Variants in XPC observed in about 807,000 individuals in gnomAD.
The protein encoded by XPC is XPC complex subunit, DNA damage recognition and repair factor.
XPC carries 76 observed loss-of-function variants against 95.8 expected under a neutral mutation model. The ratio of observed to expected loss-of-function variants is 0.79; its 90% CI spans 0.66 to 0.96. XPC has a LOEUF of 0.96. XPC is among the 40% of genes least tolerant of loss of function. The pLI, the probability that XPC is intolerant of heterozygous loss-of-function variation, is 0.00. For missense variants in XPC, 1,146 were observed against 1,179.8 expected (o/e 0.97, Z 0.42); for synonymous variants, 442 against 442.1 (o/e 1.00, Z 0.00).
At position 14,178,472 on chromosome 3, in the gene XPC, C is replaced by A; in HGVS notation, c.97G>T (p.Glu33Ter). ...CGCTGGGCCTCGCTCTCACCCTCCTCCTCCTCCTCACGCCGGGCCTTGCTC... is the reference window on the plus strand; with the variant it reads ...CGCTGGGCCTCGCTCTCACCCTCCTACTCCTCCTCACGCCGGGCCTTGCTC... ...AKSKARREEE[E>*]EDAFEDEKPP... is the part of the protein sequence containing the mutation. The change falls in exon 1 of 16, where the codon GAG becomes TAG. Residue 33 changes from glutamate (E) to a stop codon, truncating the protein, a stop_gained. Transcript: ENST00000285021. LOFTEE classifies it high-confidence loss of function. The A allele has an allele frequency of 6.2e-7, 1 of 1,609,780 alleles. No individual in the cohort carries two copies.
intron 11 of XPC, among the ~76,000 whole-genome samples, chr3:14,150,883 G>C (rs1026821401): frequency 6.6e-6 from 1 of 152,242 alleles, no homozygotes; most frequent in Non-Finnish European, 1.5e-5. Flanking sequence ...CTGGAATGCA[G>C]AGGCAGTGAG....
rs1386854322 is a variant in XPC, at chr3:14,148,002, C to T, written c.2421-1G>A. On this transcript the variant is annotated splice_acceptor_variant, in intron 13 of 15. Transcript: ENST00000285021. LOFTEE classifies it high-confidence loss of function. ...CTCGCAGACGATGTATCCATCAGTC[C>T]TGTGGGGACACAACGCGATGTCAAC... The T allele has an allele frequency of 6.3e-7, 1 of 1,576,870 alleles. No individual in the cohort carries two copies. The highest frequency in any genetic ancestry group is 8.6e-7 in the Non-Finnish European group (1 of 1,158,910).
chr3:14,153,660 C>T (rs1006120017), intron 10 of XPC, among the ~76,000 whole-genome samples: 4 of 152,154 alleles, frequency 2.6e-5, no homozygotes, highest in African/African-American at 7.2e-5. Context: ...CGGTTAGGTT[C>T]GGCAGGTTAG....
chr3:14,159,733 C>T lies in XPC; in HGVS notation c.990+8G>A. ...GCTCCTCTTCTCTGGCAGCCCTGCG[C>T]ACCTCACCTTTGCTGTTGCTGACTT... is the stretch of plus-strand genomic sequence containing the variant. On this transcript the variant is annotated splice_region_variant and intron_variant, in intron 8 of 15. Transcript: ENST00000285021. 6.4e-7 allele frequency: 1 copy of T among 1,557,620 alleles called. No individual in the cohort carries two copies.
chr3:14,171,130 T>C (rs1347054342), intron 2 of XPC, among the ~76,000 whole-genome samples: 2 of 152,186 alleles, frequency 1.3e-5, no homozygotes, highest in Admixed American at 1.3e-4. Flanking sequence ...GGCTAAACAA[T>C]GGCTCAAGGC....
rs1037385891 is a variant in XPC, at chr3:14,148,654, C to T, written c.2328G>A (p.Leu776=). The stretch of plus-strand genomic sequence containing the variant: ...TGCGGGCCACGCGGTGTAGATTGGG[C>T]AGGTTCAGCTGGACACAGCCAATAG... ...MMPIGCVQLN[L]PNLHRVARKL... Residue 776 remains leucine, a synonymous_variant, in exon 13 of 16, where the codon CTG becomes CTA. Coordinates refer to ENST00000285021, the MANE Select transcript of XPC (RefSeq NM_004628.5). The T allele has an allele frequency of 1.9e-6, 3 of 1,613,084 alleles. No homozygotes were observed. Among genetic ancestry groups the T allele is most frequent in the Non-Finnish European group, 2.5e-6 (3 of 1,179,584 alleles).
intron 7 of XPC, among the ~76,000 whole-genome samples, chr3:14,160,402 C>G (rs1429993527): frequency 6.6e-6 from 1 of 152,202 alleles, no homozygotes; most frequent in African/African-American, 2.4e-5. Flanking sequence ...GGGAGCCCCT[C>G]AGGGGACTTA....
chr3:14,148,166 G>C (rs1559368533), intron 13 of XPC, 165 bp from the exon 14 acceptor site: 1 of 629,358 alleles, frequency 1.6e-6, no homozygotes, highest in Non-Finnish European at 2.7e-6. Context: ...AGGCAGGCCT[G>C]TGGAAGCTGG....
At chr3:14,154,567 A>C (rs1052871005) in intron 10 of XPC, among the ~76,000 whole-genome samples, 9 of 152,318 alleles carry the variant, frequency 5.9e-5, no homozygotes, top group Middle Eastern at 6.8e-3. Context: ...ATACCGCATG[A>C]TTCCACCTAC....
intron 1 of XPC, 133 bp from the exon 2 acceptor site, chr3:14,173,195 T>A (rs1213212139): frequency 1.2e-5 from 10 of 850,790 alleles, no homozygotes; most frequent in Admixed American, 3.5e-5. Context: ...CACCATCCCC[T>A]GTCTGGTCAG....
chr3:14,165,288 T>C, intron 6 of XPC, 140 bp downstream of exon 6: 1 of 1,179,208 alleles, frequency 8.5e-7, no homozygotes, highest in Non-Finnish European at 1.2e-6. Context: ...CTGGCATTTC[T>C]CTATCTTCAA....
intron 9 of XPC, among the ~76,000 whole-genome samples, chr3:14,157,159 C>A (rs931161096): frequency 1.1e-4 from 16 of 152,146 alleles, no homozygotes; most frequent in African/African-American, 3.9e-4. Flanking sequence ...AGTTACGATA[C>A]CATCTGCATA....
chr3:14,178,450 TG>T lies in XPC; in HGVS notation c.103+15del. The T allele has an allele frequency of 6.3e-7, 1 of 1,597,204 alleles. No individual in the cohort carries two copies. Reference sequence around the variant, plus strand: ...CGGCGGCGTCTCCCGCGAAGCCCGCTGGGCCTCGCTCTCACCCTCCTCCTCC... The same window carrying T: ...CGGCGGCGTCTCCCGCGAAGCCCGCTGGCCTCGCTCTCACCCTCCTCCTCC... On this transcript the variant is annotated intron_variant, in intron 1 of 15. Transcript: ENST00000285021.
chr3:14,155,416 T>A (rs1045097854), intron 10 of XPC, among the ~76,000 whole-genome samples: 11 of 152,186 alleles, frequency 7.2e-5, no homozygotes, highest in African/African-American at 2.7e-4. Flanking sequence ...TTTCTATTTT[T>A]TTCTTACCTC....
At chr3:14,162,963 G>A (rs1421416806) in intron 7 of XPC, among the ~76,000 whole-genome samples, 2 of 152,102 alleles carry the variant, frequency 1.3e-5, no homozygotes, top group Non-Finnish European at 2.9e-5. Flanking sequence ...TACTTGAACA[G>A]ACATGTCCTC....
chr3:14,171,611 G>A lies in XPC; in HGVS notation c.300-1061C>T, dbSNP rs537115149. Among the ~76,000 whole-genome samples, 7 of 152,328 alleles carry A rather than the reference G, an allele frequency of 4.6e-5. No individual in the cohort carries two copies. The South Asian group carries it at 1.2e-3, about 27-fold the overall frequency. ...TGTAAGCCCAGCACTTTGGGAGGCTGAGCAGGGCAGATCACCTGAGGTCAG... is the reference window on the plus strand; with the variant it reads ...TGTAAGCCCAGCACTTTGGGAGGCTAAGCAGGGCAGATCACCTGAGGTCAG... On this transcript the variant is annotated intron_variant, in intron 2 of 15. Transcript: ENST00000285021.
intron 1 of XPC, 136 bp downstream of exon 1, chr3:14,178,330 G>A (rs1032061507): frequency 1.9e-6 from 2 of 1,027,694 alleles, no homozygotes; most frequent in African/African-American, 1.7e-5. Flanking sequence ...GCCGCAGCCT[G>A]CCGGGCTGCC....
At chr3:14,159,192 G>A (rs1696067679) in intron 8 of XPC, among the ~76,000 whole-genome samples, 1 of 152,112 alleles carries the variant, frequency 6.6e-6, no homozygotes, top group African/African-American at 2.4e-5. Flanking sequence ...AACTCTTATT[G>A]GTTACGTAAA....
At chr3:14,163,129 T>C (rs1019830540) in intron 7 of XPC, among the ~76,000 whole-genome samples, 4 of 152,178 alleles carry the variant, frequency 2.6e-5, no homozygotes, top group African/African-American at 7.2e-5. Context: ...TGGTAAAGAT[T>C]TGGAATCCTC....
Sources: gnomAD v4.1 joint callset for allele counts (sites outside exome capture counted in the v4.1 genomes callset) on GRCh38, gnomAD v4.1.1 for gene constraint, MANE v1.5 for transcripts, NCBI Gene and HGNC (gene_info 2026-07-23, HGNC 2026-07-21) for gene names.